PRKN: variants seen among roughly 807,000 people sequenced by gnomAD.
PRKN encodes the protein E3 ubiquitin-protein ligase parkin.
PRKN carries 56 observed loss-of-function variants against 59.5 expected under a neutral mutation model. The ratio of observed to expected loss-of-function variants is 0.94; its 90% CI spans 0.76 to 1.18. The LOEUF is 1.18. Ranked by LOEUF, PRKN falls within the 50% of genes most tolerant of loss-of-function variation. The pLI is 0.00. For missense variants in PRKN, 657 were observed against 596.4 expected, an observed-to-expected ratio of 1.10 and a Z score of -1.06; for synonymous variants, 250 against 222.1, an observed-to-expected ratio of 1.13 and a Z score of -1.12.
intron 4 of PRKN, among the ~76,000 whole-genome samples, chr6:162,075,964 CTT>C (rs201642343): frequency 7.5e-6 from 1 of 132,964 alleles, no homozygotes; most frequent in East Asian, 2.5e-4. Flanking sequence ...GAAAGGCTTG[CTT>C]TTTTTTTTTT....
chr6:162,197,808 G>C (rs956890290), intron 4 of PRKN, among the ~76,000 whole-genome samples: 4 of 152,278 alleles, frequency 2.6e-5, no homozygotes, highest in South Asian at 2.1e-4. Flanking sequence ...AATTTCTAAA[G>C]GGTATGAATT....
At position 161,471,490 on chromosome 6, in the gene PRKN, A is replaced by G. The variant is rs145759712; in HGVS notation, c.1083+77364T>C. On this transcript the variant is annotated intron_variant, in intron 9 of 11. Transcript: ENST00000366898. This position sits in a 1 kb window ranked among gnomAD's most constrained non-coding sequence, Gnocchi z 4.5. Reference sequence around the variant, plus strand: ...AAAACAACAAATCTTCAAGACATGAAAAAGAAAGAAATGGAGAAATATGGA... The same window carrying G: ...AAAACAACAAATCTTCAAGACATGAGAAAGAAAGAAATGGAGAAATATGGA... Among the ~76,000 whole-genome samples, 1 of 152,356 alleles carries G rather than the reference A, an allele frequency of 6.6e-6. No homozygotes were observed. The highest frequency in any genetic ancestry group is 1.9e-4 in the East Asian group (1 of 5,188).
chr6:162,154,950 C>G (rs969860370), intron 4 of PRKN, among the ~76,000 whole-genome samples: 4 of 150,436 alleles, frequency 2.7e-5, no homozygotes, highest in Admixed American at 6.6e-5. Flanking sequence ...ATTAATTCAA[C>G]TCTGGATTTC....
At chr6:161,980,373 G>A (rs949185725) in intron 5 of PRKN, among the ~76,000 whole-genome samples, 2 of 152,116 alleles carry the variant, frequency 1.3e-5, no homozygotes, top group East Asian at 1.9e-4. Flanking sequence ...GGTTGCAAAG[G>A]GTATAGGGTT....
chr6:161,921,138 TTC>T lies in PRKN; in HGVS notation c.734+52162_734+52163del, dbSNP rs567931105. 4.1e-3 allele frequency among the ~76,000 whole-genome samples: 630 copies of T among 152,328 alleles called. 11 individuals carry two copies. The highest frequency in any genetic ancestry group is 4.1e-3 in the Non-Finnish European group (280 of 68,032). ...TATATCTGTATTCTATATGCTTTTT[TTC>T]TGTTTCTAAATTTGTAAAACTTTTT... On this transcript the variant is annotated intron_variant, in intron 6 of 11. Coordinates refer to ENST00000366898, the MANE Select transcript of PRKN (RefSeq NM_004562.3).
rs1315368548 is a variant in PRKN at position 161,562,480 on chromosome 6, G to A, written c.933+6875C>T. 6.6e-6 allele frequency among the ~76,000 whole-genome samples: 1 copy of A among 152,122 alleles called. No homozygotes were observed. The highest frequency in any genetic ancestry group is 1.5e-5 in the Non-Finnish European group (1 of 68,014). ...GGTCTCTCCTTTCTTGGCTTCTTCT[G>A]AGAATCCCCATGGGTTTAAAATTTC... On this transcript the variant is annotated intron_variant, in intron 8 of 11. Transcript: ENST00000366898. This position sits in a 1 kb window ranked among gnomAD's most constrained non-coding sequence, Gnocchi z 4.3.
At chr6:161,687,618 G>A (rs973693755) in intron 7 of PRKN, among the ~76,000 whole-genome samples, 1 of 150,422 alleles carries the variant, frequency 6.6e-6, no homozygotes, top group Admixed American at 6.6e-5. Context: ...CACCACGCCC[G>A]GCTAATTTTT....
chr6:162,302,171 A>G (rs923186501), intron 2 of PRKN, among the ~76,000 whole-genome samples: 1 of 151,970 alleles, frequency 6.6e-6, no homozygotes, highest in Non-Finnish European at 1.5e-5. Flanking sequence ...CCCCTCTACC[A>G]CTTGAGTAAA....
intron 1 of PRKN, among the ~76,000 whole-genome samples, chr6:162,646,088 G>C (rs1209080696): frequency 6.6e-6 from 1 of 151,718 alleles, no homozygotes; most frequent in Non-Finnish European, 1.5e-5. Context: ...TAGCCAGGAT[G>C]GTCTCGATCT....
chr6:162,041,372 C>T (rs1257577764), intron 5 of PRKN, among the ~76,000 whole-genome samples: 4 of 152,150 alleles, frequency 2.6e-5, no homozygotes, highest in Admixed American at 2.0e-4. Flanking sequence ...GCAATTCTTA[C>T]CACTTGGTGG....
intron 2 of PRKN, among the ~76,000 whole-genome samples, chr6:162,359,073 AAAAAAAATAT>A (rs1376282871): frequency 2.6e-4 from 23 of 89,718 alleles, no homozygotes; most frequent in Non-Finnish European, 4.2e-4. Context: ...AAAAAAAAAA[AAAAAAAATAT>A]ATATATATAT....
intron 2 of PRKN, among the ~76,000 whole-genome samples, chr6:162,433,788 T>C (rs1364249947): frequency 6.6e-6 from 1 of 152,178 alleles, no homozygotes; most frequent in East Asian, 1.9e-4. Context: ...TTGAAATATG[T>C]AAGCCTATAA....
At chr6:161,777,793 GATATATGT>G (rs1554304276) in intron 7 of PRKN, among the ~76,000 whole-genome samples, 32 of 136,286 alleles carry the variant, frequency 2.3e-4, no homozygotes, top group East Asian at 4.3e-4. Flanking sequence ...ATGTATATAT[GATATATGT>G]ATATATGTAT....
At position 161,353,070 on chromosome 6, in the gene PRKN, G is replaced by A. The variant is rs954338682; in HGVS notation, c.1286-2859C>T. On this transcript the variant is annotated intron_variant, in intron 11 of 11. Coordinates refer to ENST00000366898, the MANE Select transcript of PRKN (RefSeq NM_004562.3). This position sits in a 1 kb window ranked among gnomAD's most constrained non-coding sequence, Gnocchi z 4.8. ...TGGGATTACAGGCATGAGCCACCGC[G>A]CCTGGCTGATAGATGTGTTTTTCAT... Among the ~76,000 whole-genome samples, 1 of 152,062 alleles carries A rather than the reference G, an allele frequency of 6.6e-6. No homozygotes were observed. The highest frequency in any genetic ancestry group is 6.6e-5 in the Admixed American group (1 of 15,256).
intron 2 of PRKN, among the ~76,000 whole-genome samples, chr6:162,339,214 G>A (rs7773720): frequency 0.11 from 15,317 of 144,714 alleles, 1,470 homozygotes; most frequent in African/African-American, 0.3. Context: ...GTCTCCGCCC[G>A]GCAGCCACCC....
intron 4 of PRKN, among the ~76,000 whole-genome samples, chr6:162,169,310 C>A (rs966228846): frequency 1.3e-5 from 2 of 152,086 alleles, no homozygotes; most frequent in Non-Finnish European, 2.9e-5. Context: ...CCTTCAGTTT[C>A]TTCAGATATT....
At chr6:162,691,939 T>A (rs1777789366) in intron 1 of PRKN, among the ~76,000 whole-genome samples, 1 of 152,052 alleles carries the variant, frequency 6.6e-6, no homozygotes, top group Non-Finnish European at 1.5e-5. Context: ...CAGGCTTTCA[T>A]GTAAATAGGT....
chr6:161,793,017 C>T (rs1162094816), intron 6 of PRKN, among the ~76,000 whole-genome samples: 1 of 152,180 alleles, frequency 6.6e-6, no homozygotes, highest in Non-Finnish European at 1.5e-5. Context: ...GTAACCGGCA[C>T]AGCGCCTGCC....
At chr6:161,719,535 T>C (rs1171024143) in intron 7 of PRKN, among the ~76,000 whole-genome samples, 1 of 152,178 alleles carries the variant, frequency 6.6e-6, no homozygotes, top group Non-Finnish European at 1.5e-5. Flanking sequence ...ATTATGGACA[T>C]CATGATATAA....
Sources: allele counts gnomAD v4.1 joint callset (sites outside exome capture counted in the v4.1 genomes callset), GRCh38; gene constraint gnomAD v4.1.1; non-coding constraint Gnocchi (gnomAD v3.1); transcripts MANE v1.5; gene names NCBI Gene and HGNC (gene_info 2026-07-23, HGNC 2026-07-21).